The following NAALADL2 variants were observed in gnomAD, a reference collection of about 807,000 sequenced individuals.
The protein encoded by NAALADL2 is inactive N-acetylated-alpha-linked acidic dipeptidase-like protein 2.
NAALADL2 carries 76 observed loss-of-function variants against 87.2 expected under a neutral mutation model. The ratio of observed to expected loss-of-function variants is 0.87; its 90% confidence interval spans 0.72 to 1.05. The LOEUF (loss-of-function observed/expected upper bound fraction) is 1.05, where lower values mean the gene tolerates loss of function less well. NAALADL2 is among the 50% of genes least tolerant of loss of function. The probability of loss-of-function intolerance (pLI) is 0.00; values close to 1 mark genes in which losing one functional copy is unlikely to be tolerated. For missense variants in NAALADL2, 1,089 were observed against 945.8 expected (o/e 1.15, Z -1.99); for synonymous variants, 354 against 331.0 (o/e 1.07, Z -0.75).
intron 2 of NAALADL2, among the ~76,000 whole-genome samples, chr3:174,607,004 C>A (rs1018731263): frequency 3.3e-5 from 5 of 152,068 alleles, no homozygotes; most frequent in Non-Finnish European, 7.4e-5. Context: ...AGAGTGGGGG[C>A]CAATACTCAA....
intron 2 of NAALADL2, among the ~76,000 whole-genome samples, chr3:174,576,431 A>C (rs1715537076): frequency 6.6e-6 from 1 of 152,224 alleles, no homozygotes; most frequent in African/African-American, 2.4e-5. Context: ...TTTCTTATAA[A>C]TGATAGAATT....
chr3:175,050,824 A>T (rs905121515), intron 1 of NAALADL2, among the ~76,000 whole-genome samples: 1 of 152,322 alleles, frequency 6.6e-6, no homozygotes, highest in Non-Finnish European at 1.5e-5. Flanking sequence ...ATGAGTGCAC[A>T]TAAGAGTTAA....
At chr3:175,034,768 A>G (rs545039260) in intron 1 of NAALADL2, among the ~76,000 whole-genome samples, 1 of 152,270 alleles carries the variant, frequency 6.6e-6, no homozygotes, top group East Asian at 1.9e-4. Flanking sequence ...CATCTATCAA[A>G]CAGGAATTAT....
intron 1 of NAALADL2, among the ~76,000 whole-genome samples, chr3:175,024,630 A>C (rs955689597): frequency 6.6e-6 from 1 of 152,144 alleles, no homozygotes; most frequent in Non-Finnish European, 1.5e-5. Flanking sequence ...TTATAGTGAA[A>C]CATAAATTTT....
chr3:174,464,433 G>A (rs1436731687), intron 1 of NAALADL2, among the ~76,000 whole-genome samples: 1 of 150,712 alleles, frequency 6.6e-6, no homozygotes, highest in Non-Finnish European at 1.5e-5. Flanking sequence ...AACTTCTGGG[G>A]GGTCGGGGGA....
At chr3:175,164,076 T>C (rs554555864) in intron 2 of NAALADL2, among the ~76,000 whole-genome samples, 17 of 152,140 alleles carry the variant, frequency 1.1e-4, no homozygotes, top group Non-Finnish European at 1.9e-4. Flanking sequence ...TGCATCGTAG[T>C]ATTTTCTTTT....
intron 11 of NAALADL2, among the ~76,000 whole-genome samples, chr3:175,672,374 G>A (rs547328005): frequency 4.6e-5 from 7 of 152,244 alleles, no homozygotes; most frequent in African/African-American, 1.7e-4. Flanking sequence ...ATAAAGGGAA[G>A]TTGATCCTCT....
chr3:175,461,031 CTGGTCCATTTTGCAGAGTGCTGAT>C (rs1224732336), intron 6 of NAALADL2, among the ~76,000 whole-genome samples: 2 of 152,062 alleles, frequency 1.3e-5, no homozygotes, highest in Non-Finnish European at 2.9e-5. Context: ...AGAGTGCTGA[CTGGTCCATTTTGCAGAGTGCTGAT>C]TGGTGGGTTT....
At chr3:175,001,823 T>A (rs1164821413) in intron 1 of NAALADL2, among the ~76,000 whole-genome samples, 4 of 152,158 alleles carry the variant, frequency 2.6e-5, no homozygotes, top group African/African-American at 9.7e-5. Context: ...AATCTAAAAC[T>A]TTTTTAGTGC....
chr3:174,531,014 A>G (rs73040551), intron 1 of NAALADL2, among the ~76,000 whole-genome samples: 2,728 of 152,294 alleles, frequency 0.018, 82 homozygotes, highest in African/African-American at 0.063. Context: ...AGTTCATATG[A>G]CTTCTGAAGA....
chr3:175,487,375 C>T (rs78784019), intron 9 of NAALADL2, among the ~76,000 whole-genome samples: 1,761 of 152,274 alleles, frequency 0.012, 36 homozygotes, highest in African/African-American at 0.041. Flanking sequence ...GCATAGTTGT[C>T]TGTTTTGTAC....
At chr3:175,801,195 T>C (rs1232324405) in intron 13 of NAALADL2, among the ~76,000 whole-genome samples, 1 of 152,194 alleles carries the variant, frequency 6.6e-6, no homozygotes, top group Admixed American at 6.6e-5. Context: ...TCACCTTTCA[T>C]CTGGACTAAG....
intron 1 of NAALADL2, among the ~76,000 whole-genome samples, chr3:174,972,228 T>G (rs1261011094): frequency 6.6e-6 from 1 of 152,210 alleles, no homozygotes; most frequent in East Asian, 1.9e-4. Context: ...GGAAATAGAA[T>G]CTAAGGTTCA....
At chr3:175,718,653 C>A in intron 11 of NAALADL2, 1 of 1,582,370 alleles carries the variant, frequency 6.3e-7, no homozygotes, top group South Asian at 1.1e-5. Context: ...ACTCCCGAGC[C>A]CGTGGTGGCT....
At chr3:175,500,406 G>A (rs1729379164) in intron 9 of NAALADL2, among the ~76,000 whole-genome samples, 1 of 151,978 alleles carries the variant, frequency 6.6e-6, no homozygotes, top group Admixed American at 6.6e-5. Flanking sequence ...AAAAGGCACA[G>A]AAGTAGAAAC....
chr3:174,835,462 A>G (rs772781239), intron 3 of NAALADL2, among the ~76,000 whole-genome samples: 1 of 152,158 alleles, frequency 6.6e-6, no homozygotes, highest in Non-Finnish European at 1.5e-5. Flanking sequence ...TTTTTTGCAT[A>G]TGACACCAAG....
intron 1 of NAALADL2, among the ~76,000 whole-genome samples, chr3:175,078,400 G>A (rs1717055321): frequency 6.6e-6 from 1 of 151,598 alleles, no homozygotes; most frequent in African/African-American, 2.4e-5. Context: ...ATAAGAGTAT[G>A]TAATAATTTT....
chr3:175,698,403 GTATTTATGTA>G (rs1738379520), intron 11 of NAALADL2, among the ~76,000 whole-genome samples: 1 of 74,250 alleles, frequency 1.3e-5, no homozygotes, highest in Non-Finnish European at 2.4e-5. Context: ...ATATGTATGT[GTATTTATGTA>G]TGTATACATA....
chr3:174,721,312 A>C (rs1731688012), intron 2 of NAALADL2, among the ~76,000 whole-genome samples: 1 of 152,230 alleles, frequency 6.6e-6, no homozygotes, highest in Non-Finnish European at 1.5e-5. Flanking sequence ...GACAGTGAGT[A>C]TTCTACATTT....
Sources: gnomAD v4.1 joint callset for allele counts (sites outside exome capture counted in the v4.1 genomes callset) on GRCh38, gnomAD v4.1.1 for gene constraint, MANE v1.5 for transcripts, NCBI Gene and HGNC (gene_info 2026-07-23, HGNC 2026-07-21) for gene names.